RYR2: variants seen among roughly 807,000 people sequenced by gnomAD.
The protein encoded by RYR2 is cardiac muscle ryanodine receptor-calcium release channel.
A neutral mutation model predicts 601.1 loss-of-function variants in RYR2; 227 were observed. That is an observed-to-expected ratio of 0.38 (90% CI 0.34 to 0.42). The LOEUF (loss-of-function observed/expected upper bound fraction) is 0.42, where lower values mean the gene tolerates loss of function less well. Ranked by LOEUF, RYR2 falls within the 10% of genes least tolerant of loss-of-function variation. The pLI, the probability that RYR2 is intolerant of heterozygous loss-of-function variation, is 1.00. For synonymous variants in RYR2, 2,223 were observed against 2,175.1 expected (o/e 1.02, Z -0.61); for missense variants, 4,646 against 6,156.5 (o/e 0.75, Z 8.21).
chr1:237,707,894 C>T (rs1480983365), intron 68 of RYR2, among the ~76,000 whole-genome samples: 1 of 151,816 alleles, frequency 6.6e-6, no homozygotes, highest in African/African-American at 2.4e-5. Context: ...GCCTCAGCCT[C>T]CCGGGTAGCT....
At chr1:237,471,657 G>T (rs1055396214) in intron 17 of RYR2, among the ~76,000 whole-genome samples, 1 of 151,250 alleles carries the variant, frequency 6.6e-6, no homozygotes, top group African/African-American at 2.5e-5. Context: ...CATGAACAGA[G>T]CCAAGCATCC....
intron 17 of RYR2, among the ~76,000 whole-genome samples, chr1:237,481,394 C>T (rs1662075294): frequency 6.6e-6 from 1 of 152,100 alleles, no homozygotes; most frequent in Non-Finnish European, 1.5e-5. Context: ...ACATTTTTCT[C>T]CGGCTCAGTG....
chr1:237,507,973 A>AC (rs1665441252), intron 23 of RYR2, among the ~76,000 whole-genome samples: 1 of 151,870 alleles, frequency 6.6e-6, no homozygotes, highest in African/African-American at 2.4e-5. Flanking sequence ...AATTTTTTTT[A>AC]TTTTTTTGCT....
intron 1 of RYR2, among the ~76,000 whole-genome samples, chr1:237,116,997 T>A (rs1407832297): frequency 6.6e-6 from 1 of 152,166 alleles, no homozygotes; most frequent in Admixed American, 6.5e-5. Flanking sequence ...CAAGTTGACA[T>A]GTAAAGTTAA....
At chr1:237,126,147 G>C (rs972980238) in intron 1 of RYR2, among the ~76,000 whole-genome samples, 1 of 151,512 alleles carries the variant, frequency 6.6e-6, no homozygotes, top group Non-Finnish European at 1.5e-5. Context: ...TGACGCAGGA[G>C]AATCGCTTGA....
intron 17 of RYR2, among the ~76,000 whole-genome samples, chr1:237,489,633 G>A (rs189366463): frequency 3.3e-4 from 50 of 152,158 alleles, no homozygotes; most frequent in South Asian, 1.5e-3. Flanking sequence ...TTCCAGCCTG[G>A]GTAACAAAAG....
At chr1:237,390,797 T>A (rs1186671407) in intron 10 of RYR2, among the ~76,000 whole-genome samples, 1 of 152,206 alleles carries the variant, frequency 6.6e-6, no homozygotes, top group African/African-American at 2.4e-5. Flanking sequence ...GTCTTCTTGA[T>A]TTCATGTTGA....
At chr1:237,663,401 G>A (rs1319189689) in intron 56 of RYR2, among the ~76,000 whole-genome samples, 1 of 152,218 alleles carries the variant, frequency 6.6e-6, no homozygotes, top group South Asian at 2.1e-4. Context: ...TGAAGATCAT[G>A]TGTAGATGTG....
chr1:237,240,665 CAAAAAAAAAAA>C (rs35984919), intron 1 of RYR2, among the ~76,000 whole-genome samples: 2 of 55,164 alleles, frequency 3.6e-5, no homozygotes, highest in East Asian at 1.4e-3. Flanking sequence ...CTATAAAAGC[CAAAAAAAAAAA>C]AAAAAAAAAA....
intron 87 of RYR2, among the ~76,000 whole-genome samples, chr1:237,774,355 G>T (rs529221391): frequency 1.3e-5 from 2 of 152,240 alleles, no homozygotes; most frequent in South Asian, 4.1e-4. Flanking sequence ...AGCTTGTGGG[G>T]AGAAGAAAGG....
intron 46 of RYR2, 61 bp from the exon 47 acceptor site, chr1:237,640,836 A>G (rs1338416481): frequency 7.5e-6 from 10 of 1,334,458 alleles, no homozygotes; most frequent in Non-Finnish European, 1.1e-5. Flanking sequence ...GAGATATGTA[A>G]TAAACATGAA....
intron 84 of RYR2, 70 bp downstream of exon 84, chr1:237,761,098 A>C (rs1693397415): frequency 4.7e-6 from 4 of 852,974 alleles, no homozygotes; most frequent in Middle Eastern, 2.2e-4. Context: ...ATTATCAATT[A>C]CCTTTCAAGT....
At chr1:237,376,676 C>T (rs1329680314) in intron 7 of RYR2, among the ~76,000 whole-genome samples, 1 of 150,250 alleles carries the variant, frequency 6.7e-6, no homozygotes, top group African/African-American at 2.5e-5. Flanking sequence ...GAGGCTTATG[C>T]TTGACTTGTG....
chr1:237,277,155 G>C (rs1412030760), intron 2 of RYR2, among the ~76,000 whole-genome samples: 1 of 152,034 alleles, frequency 6.6e-6, no homozygotes, highest in East Asian at 1.9e-4. Context: ...GGAAAGATAA[G>C]GAGAAAAATC....
At chr1:237,704,379 A>G (rs1045583841) in intron 66 of RYR2, among the ~76,000 whole-genome samples, 3 of 152,106 alleles carry the variant, frequency 2.0e-5, no homozygotes, top group Non-Finnish European at 4.4e-5. Flanking sequence ...TTTATTAACT[A>G]TTTATTTTAT....
At chr1:237,257,392 T>A (rs1688099067) in intron 1 of RYR2, among the ~76,000 whole-genome samples, 1 of 152,174 alleles carries the variant, frequency 6.6e-6, no homozygotes, top group South Asian at 2.1e-4. Flanking sequence ...AGGTATAAGT[T>A]GATAAATAAA....
At chr1:237,423,435 T>G (rs1705794568) in intron 12 of RYR2, among the ~76,000 whole-genome samples, 187 bp downstream of exon 12, 4 of 152,194 alleles carry the variant, frequency 2.6e-5, no homozygotes, top group South Asian at 2.1e-4. Flanking sequence ...CATTAAAACC[T>G]GCCTATAGAA....
chr1:237,082,297 CT>C (rs1665795245), intron 1 of RYR2, among the ~76,000 whole-genome samples: 6 of 151,890 alleles, frequency 4.0e-5, no homozygotes, highest in African/African-American at 1.2e-4. Context: ...GCACTAAGCA[CT>C]AAGCATGACT....
At chr1:237,670,111 A>G (rs1684776645) in intron 58 of RYR2, among the ~76,000 whole-genome samples, 1 of 152,016 alleles carries the variant, frequency 6.6e-6, no homozygotes, top group African/African-American at 2.4e-5. Context: ...ACACAGCGAA[A>G]CCCCGTCTCC....
Sources: gnomAD v4.1 joint callset for allele counts (sites outside exome capture counted in the v4.1 genomes callset) on GRCh38, gnomAD v4.1.1 for gene constraint, MANE v1.5 for transcripts, NCBI Gene and HGNC (gene_info 2026-07-23, HGNC 2026-07-21) for gene names.